Variants in GPHN observed in about 807,000 individuals in gnomAD.
The protein encoded by GPHN is gephyrin.
Under a neutral mutation model 95.5 loss-of-function variants are expected in GPHN, and 17 were observed. The ratio of observed to expected loss-of-function variants is 0.18; its 90% CI spans 0.12 to 0.27. The LOEUF is 0.27. Ranked by LOEUF, GPHN falls within the 10% of genes least tolerant of loss-of-function variation. The pLI is 1.00. For synonymous variants in GPHN, 320 were observed against 322.5 expected (o/e 0.99, Z 0.08); for missense variants, 660 against 978.1 (o/e 0.67, Z 4.34).
intron 8 of GPHN, among the ~76,000 whole-genome samples, chr14:66,938,276 T>G (rs573608261): frequency 1.3e-5 from 2 of 152,324 alleles, no homozygotes; most frequent in Non-Finnish European, 2.9e-5. Context: ...CAAATATTAT[T>G]TTGAAATGTT....
chr14:67,702,921 C>T, the GPHN span, among the ~76,000 whole-genome samples: 6 of 152,196 alleles, frequency 3.9e-5, no homozygotes, highest in African/African-American at 1.4e-4. Context: ...TCAAGTGATT[C>T]TCCCACCTCA....
intron 1 of GPHN, among the ~76,000 whole-genome samples, chr14:66,611,465 TA>T (rs2062780750): frequency 6.6e-6 from 1 of 152,172 alleles, no homozygotes; most frequent in Non-Finnish European, 1.5e-5. Flanking sequence ...TACTTTGTGG[TA>T]AATCTGGAAT....
chr14:66,515,759 T>C (rs1296544002), intron 1 of GPHN, among the ~76,000 whole-genome samples: 1 of 152,182 alleles, frequency 6.6e-6, no homozygotes, highest in African/African-American at 2.4e-5. Flanking sequence ...TATTCAGTAT[T>C]CAACACCTAC....
chr14:67,091,394 TC>T (rs1279045422), intron 12 of GPHN, among the ~76,000 whole-genome samples: 2 of 151,614 alleles, frequency 1.3e-5, no homozygotes, highest in Non-Finnish European at 3.0e-5. Context: ...CTTTTTTTTT[TC>T]CCAATGTCAT....
chr14:66,727,849 C>T (rs8008990), intron 2 of GPHN, among the ~76,000 whole-genome samples: 49,445 of 151,804 alleles, frequency 0.33, 11,762 homozygotes, highest in African/African-American at 0.65. Flanking sequence ...GCTGCAGATA[C>T]ATGCATAAGT....
intron 3 of GPHN, among the ~76,000 whole-genome samples, chr14:66,805,875 G>A (rs112537759): frequency 5.2e-4 from 79 of 152,254 alleles, no homozygotes; most frequent in African/African-American, 1.6e-3. Context: ...GATTTCATTG[G>A]ATCTATCATT....
intron 2 of GPHN, among the ~76,000 whole-genome samples, chr14:66,702,607 A>G (rs1433336710): frequency 6.6e-6 from 1 of 152,174 alleles, no homozygotes; most frequent in South Asian, 2.1e-4. Context: ...CAACAACAGC[A>G]TCGACAACAA....
chr14:67,248,667 C>T, the GPHN span, among the ~76,000 whole-genome samples: 2 of 152,064 alleles, frequency 1.3e-5, no homozygotes, highest in Admixed American at 6.6e-5. Context: ...ATTTTAGCTT[C>T]GTGGGCCATA....
chr14:66,961,091 C>CA (rs762494650), intron 8 of GPHN, among the ~76,000 whole-genome samples: 138 of 152,078 alleles, frequency 9.1e-4, no homozygotes, highest in African/African-American at 3.2e-3. Flanking sequence ...TATTTCAACA[C>CA]AAAAAAACCA....
chr14:66,965,424 A>G, intron 9 of GPHN, 99 bp downstream of exon 9: 1 of 1,070,872 alleles, frequency 9.3e-7, no homozygotes, highest in Admixed American at 1.7e-5. Context: ...GATTGCATGC[A>G]AGATTACACT....
At chr14:66,870,131 G>C (rs1470741975) in intron 4 of GPHN, among the ~76,000 whole-genome samples, 1 of 152,086 alleles carries the variant, frequency 6.6e-6, no homozygotes, top group Non-Finnish European at 1.5e-5. Context: ...AAAATAGAAG[G>C]GTTCTAATGT....
chr14:67,549,788 G>T, the GPHN span, among the ~76,000 whole-genome samples: 1 of 152,206 alleles, frequency 6.6e-6, no homozygotes, highest in African/African-American at 2.4e-5. Flanking sequence ...GTGGTCTGTG[G>T]ACCACCACCT....
At chr14:67,432,891 A>G in the GPHN span, among the ~76,000 whole-genome samples, 1 of 151,920 alleles carries the variant, frequency 6.6e-6, no homozygotes, top group Non-Finnish European at 1.5e-5. Flanking sequence ...TCTTTTATAA[A>G]GTTCCCAGTC....
chr14:67,344,946 C>T, the GPHN span, among the ~76,000 whole-genome samples: 1 of 149,432 alleles, frequency 6.7e-6, no homozygotes, highest in Non-Finnish European at 1.5e-5. Flanking sequence ...ATTTTGTTAA[C>T]AAGAAGAAGC....
the GPHN span, among the ~76,000 whole-genome samples, chr14:67,637,050 A>G: frequency 6.6e-6 from 1 of 152,206 alleles, no homozygotes; most frequent in Non-Finnish European, 1.5e-5. Context: ...AGCTTCTTGA[A>G]AAATTAGTGA....
At chr14:66,823,241 A>T (rs778621023) in intron 3 of GPHN, 1 of 152,178 alleles carries the variant, frequency 6.6e-6, no homozygotes, top group African/African-American at 2.4e-5. Context: ...ACCTTACGTG[A>T]TCCACCCGCC....
At chr14:67,412,021 CTT>C in the GPHN span, 1 of 1,556,294 alleles carries the variant, frequency 6.4e-7, no homozygotes, top group Non-Finnish European at 8.7e-7. Flanking sequence ...CACTCACCCT[CTT>C]GACCAGGAAG....
chr14:67,217,833 T>C, the GPHN span, among the ~76,000 whole-genome samples: 21 of 152,300 alleles, frequency 1.4e-4, no homozygotes, highest in Admixed American at 1.1e-3. Flanking sequence ...TGGAGAATTA[T>C]TGTTTTTCTT....
intron 1 of GPHN, among the ~76,000 whole-genome samples, chr14:66,510,875 ACAGT>A (rs2058015732): frequency 6.6e-6 from 1 of 152,180 alleles, no homozygotes; most frequent in South Asian, 2.1e-4. Flanking sequence ...GGAATTAAAG[ACAGT>A]CAGGGGAAGC....
Sources: gnomAD v4.1 joint callset for allele counts (sites outside exome capture counted in the v4.1 genomes callset) on GRCh38, gnomAD v4.1.1 for gene constraint, MANE v1.5 for transcripts, NCBI Gene and HGNC (gene_info 2026-07-23, HGNC 2026-07-21) for gene names.